The following RTF1 variants were observed in gnomAD, a reference collection of about 807,000 sequenced individuals.
RTF1 encodes the protein RNA polymerase-associated protein RTF1 homolog.
Under a neutral mutation model 95.7 loss-of-function variants are expected in RTF1, and 10 were observed. The ratio of observed to expected loss-of-function variants is 0.10; its 90% confidence interval spans 0.06 to 0.18. The LOEUF (loss-of-function observed/expected upper bound fraction) is 0.18. RTF1 is among the 10% of genes least tolerant of loss of function. The probability of loss-of-function intolerance (pLI) is 1.00; values close to 1 mark genes in which losing one functional copy is unlikely to be tolerated. For synonymous variants in RTF1, 305 were observed against 311.8 expected, an observed-to-expected ratio of 0.98 and a Z score of 0.23; for missense variants, 458 against 875.6, an observed-to-expected ratio of 0.52 and a Z score of 6.02.
At chr15:41,471,431 C>A in intron 8 of RTF1, 82 bp downstream of exon 8, 1 of 1,374,662 alleles carries the variant, frequency 7.3e-7, no homozygotes, top group Non-Finnish European at 9.9e-7. Context: ...CTGAAAAAAT[C>A]GATCACTCTT....
chr15:41,461,940 GA>G (rs1397462956), intron 4 of RTF1, among the ~76,000 whole-genome samples: 7 of 145,346 alleles, frequency 4.8e-5, no homozygotes, highest in South Asian at 2.2e-4. Context: ...TTTTTTTAGA[GA>G]GGGGGGGTTT....
intron 8 of RTF1, among the ~76,000 whole-genome samples, chr15:41,473,197 G>A (rs1021829561): frequency 2.0e-5 from 3 of 151,566 alleles, no homozygotes; most frequent in Admixed American, 1.3e-4. Flanking sequence ...GCAGTGGCGC[G>A]ATCTTGGCTT....
chr15:41,474,884 C>T (rs573644454), intron 9 of RTF1, among the ~76,000 whole-genome samples, 182 bp downstream of exon 9: 1 of 152,128 alleles, frequency 6.6e-6, no homozygotes, highest in East Asian at 1.9e-4. Context: ...AGGATATTCT[C>T]TCCTCTAGAG....
chr15:41,478,431 A>G, intron 14 of RTF1, 117 bp from the exon 15 acceptor site: 2 of 729,928 alleles, frequency 2.7e-6, no homozygotes, highest in Non-Finnish European at 2.3e-6. Context: ...AAAAAGGAAA[A>G]GGATAATAGC....
intron 3 of RTF1, 69 bp from the exon 4 acceptor site, chr15:41,457,603 C>T (rs2050825758): frequency 6.0e-6 from 8 of 1,337,720 alleles, no homozygotes; most frequent in Non-Finnish European, 8.6e-6. Flanking sequence ...ATGTTGTCAA[C>T]ATTGTGGAGC....
intron 1 of RTF1, among the ~76,000 whole-genome samples, chr15:41,426,757 A>C (rs1183390176): frequency 1.0e-5 from 1 of 97,454 alleles, no homozygotes; most frequent in Non-Finnish European, 1.9e-5. Flanking sequence ...GCGTGAGTCT[A>C]CTGTGCCCAG....
intron 2 of RTF1, among the ~76,000 whole-genome samples, chr15:41,438,968 T>C (rs1264351497): frequency 7.9e-6 from 1 of 127,278 alleles, no homozygotes; most frequent in Non-Finnish European, 1.6e-5. Context: ...ATTCTGTAGC[T>C]TTTTTTTTTT....
chr15:41,458,409 T>C (rs2050829896), intron 4 of RTF1, among the ~76,000 whole-genome samples: 1 of 152,184 alleles, frequency 6.6e-6, no homozygotes, highest in Non-Finnish European at 1.5e-5. Context: ...TAAAACACGC[T>C]GTGGCCATAT....
At position 41,475,548 on chromosome 15, in the gene RTF1, T is replaced by G; in HGVS notation, c.1310T>G (p.Phe437Cys). The stretch of plus-strand genomic sequence containing the variant: ...AGGCATGGCAATGACCAACGCGTGT[T>G]CCGTTTAGAGTTTGTCTCAAACCAA... ...QLRHGNDQRV[F>C]RLEFVSNQEF... The change falls in exon 10 of 18, where the codon TTC becomes TGC. Residue 437 changes from phenylalanine (F) to cysteine (C), a missense_variant. Phe to Cys is a radical substitution (Grantham distance 205). Coordinates refer to ENST00000389629, the MANE Select transcript of RTF1 (RefSeq NM_015138.5). 1 of 1,614,196 alleles carries G rather than the reference T, an allele frequency of 6.2e-7. No individual in the cohort carries two copies. Among genetic ancestry groups the G allele is most frequent in the Non-Finnish European group, 8.5e-7 (1 of 1,180,020 alleles).
intron 2 of RTF1, among the ~76,000 whole-genome samples, chr15:41,447,877 A>G (rs2050771374): frequency 6.6e-6 from 1 of 152,208 alleles, no homozygotes; most frequent in African/African-American, 2.4e-5. Flanking sequence ...ACTTCTCAAA[A>G]CAGATTAAGA....
chr15:41,448,395 G>GGT (rs2050773603), intron 2 of RTF1, among the ~76,000 whole-genome samples: 1 of 152,008 alleles, frequency 6.6e-6, no homozygotes, highest in Admixed American at 6.6e-5. Flanking sequence ...GGCCGGGAAC[G>GGT]GTGATTAACG....
rs2050983425 is a variant in RTF1, at chr15:41,482,609, T to C, written c.*1922T>C. The C allele has an allele frequency of 6.6e-6, 1 of 152,638 alleles. No homozygotes were observed. Among genetic ancestry groups the C allele is most frequent in the Non-Finnish European group, 1.5e-5 (1 of 68,036 alleles). 9.5% of individuals were successfully genotyped at this position (152,638 alleles called of 1,614,324 possible). A position where few individuals can be genotyped will look rare whatever the true frequency, so the allele number is the denominator to read the frequency against. ...ATTGTAAAATTGCTAAATATGACTG[T>C]AACACAGCTTTGTGGTAGCTGTGAC... On this transcript the variant is annotated 3_prime_UTR_variant, in exon 18 of 18. Coordinates refer to ENST00000389629, the MANE Select transcript of RTF1 (RefSeq NM_015138.5).
intron 2 of RTF1, among the ~76,000 whole-genome samples, chr15:41,438,867 A>G (rs186701774): frequency 1.4e-4 from 21 of 152,012 alleles, no homozygotes; most frequent in Middle Eastern, 3.4e-3. Context: ...TCTCAAAAAA[A>G]AAAAGAAAAT....
intron 2 of RTF1, among the ~76,000 whole-genome samples, chr15:41,439,792 C>T (rs1299095064): frequency 6.6e-6 from 1 of 152,082 alleles, no homozygotes; most frequent in Non-Finnish European, 1.5e-5. Flanking sequence ...GCTGGAACTA[C>T]AAGCACGCAC....
intron 1 of RTF1, among the ~76,000 whole-genome samples, chr15:41,423,863 C>A (rs1181625860): frequency 6.6e-6 from 1 of 152,150 alleles, no homozygotes; most frequent in Non-Finnish European, 1.5e-5. Flanking sequence ...AGCAATTATC[C>A]TGCCTCAGCC....
intron 16 of RTF1, 57 bp from the exon 17 acceptor site, chr15:41,480,157 G>A (rs1595442415): frequency 1.8e-6 from 2 of 1,128,422 alleles, no homozygotes; most frequent in East Asian, 4.7e-5. Context: ...GGCTGCTGCT[G>A]CTTGAAATCC....
rs1441078690 is a variant in RTF1 at position 41,482,088 on chromosome 15, T to G, written c.*1401T>G. On this transcript the variant is annotated 3_prime_UTR_variant, in exon 18 of 18. Transcript: ENST00000389629. ...GAGTGAGACTCCGCCTCAAAAAGAT[T>G]TAGGTTGCAAATGTTTCAAGCATGT... is the stretch of plus-strand genomic sequence containing the variant. The G allele has an allele frequency of 6.6e-6, 1 of 152,154 alleles. No homozygotes were observed. The highest frequency in any genetic ancestry group is 6.5e-5 in the Admixed American group (1 of 15,280). The allele number at this position is 152,154 out of a possible 1,614,324, so 9.4% of individuals were successfully genotyped here.
intron 2 of RTF1, among the ~76,000 whole-genome samples, chr15:41,446,803 A>ATTT (rs764254736): frequency 1.5e-5 from 2 of 136,776 alleles, no homozygotes; most frequent in African/African-American, 2.7e-5. Flanking sequence ...CCCAGCTGTT[A>ATTT]TTTTTTTTTT....
chr15:41,453,283 C>T (rs559572861), intron 3 of RTF1, among the ~76,000 whole-genome samples: 1 of 152,294 alleles, frequency 6.6e-6, no homozygotes, highest in South Asian at 2.1e-4. Context: ...CTGGAACCCA[C>T]GAGGATTCCT....
Sources: gnomAD v4.1 joint callset for allele counts (sites outside exome capture counted in the v4.1 genomes callset) on GRCh38, gnomAD v4.1.1 for gene constraint, MANE v1.5 for transcripts, NCBI Gene and HGNC (gene_info 2026-07-23, HGNC 2026-07-21) for gene names.